The following CNTN1 variants were observed in gnomAD, a reference collection of about 807,000 sequenced individuals.
CNTN1 encodes the protein contactin-1.
In CNTN1, 38 loss-of-function variants were observed where a neutral mutation model predicts 126.4. That is an observed-to-expected ratio of 0.30 (90% CI 0.23 to 0.39). The LOEUF (loss-of-function observed/expected upper bound fraction) is 0.39, where lower values mean the gene tolerates loss of function less well. Ranked by LOEUF, CNTN1 falls within the 10% of genes least tolerant of loss-of-function variation. CNTN1 has a pLI of 1.00. For missense variants in CNTN1, 1,009 were observed against 1,248.4 expected (o/e 0.81, Z 2.89); for synonymous variants, 413 against 422.6 (o/e 0.98, Z 0.28).
At chr12:40,930,915 A>G (rs1945861675) in intron 7 of CNTN1, among the ~76,000 whole-genome samples, 1 of 151,960 alleles carries the variant, frequency 6.6e-6, no homozygotes, top group South Asian at 2.1e-4. Flanking sequence ...CCTACTTCAT[A>G]GACTGAAAAG....
At chr12:40,982,460 C>A (rs1482574986) in intron 16 of CNTN1, among the ~76,000 whole-genome samples, 2 of 152,098 alleles carry the variant, frequency 1.3e-5, no homozygotes, top group Admixed American at 6.6e-5. Context: ...TAATTGCAAT[C>A]ATTTTCATTA....
intron 23 of CNTN1, among the ~76,000 whole-genome samples, chr12:41,055,782 TTATC>T (rs1949789599): frequency 6.6e-6 from 1 of 152,122 alleles, no homozygotes; most frequent in African/African-American, 2.4e-5. Flanking sequence ...ACTAGCATCT[TTATC>T]TATAAGTTGG....
At chr12:40,743,378 A>C (rs1343500175) in intron 1 of CNTN1, among the ~76,000 whole-genome samples, 1 of 152,100 alleles carries the variant, frequency 6.6e-6, no homozygotes, top group Admixed American at 6.6e-5. Flanking sequence ...GCAATGAGTG[A>C]CATAGAGGCA....
chr12:40,962,877 G>A (rs1170224050), intron 15 of CNTN1, among the ~76,000 whole-genome samples: 3 of 151,996 alleles, frequency 2.0e-5, no homozygotes, highest in African/African-American at 7.2e-5. Context: ...AGTTATATCT[G>A]TTAACTTTGG....
At chr12:40,965,313 T>A (rs1020878248) in intron 15 of CNTN1, among the ~76,000 whole-genome samples, 3 of 152,118 alleles carry the variant, frequency 2.0e-5, no homozygotes, top group South Asian at 2.1e-4. Flanking sequence ...TGGCAAACAA[T>A]AATCTTGGGA....
intron 16 of CNTN1, among the ~76,000 whole-genome samples, chr12:40,986,408 C>G (rs1947954923): frequency 1.3e-5 from 2 of 152,164 alleles, no homozygotes; most frequent in Admixed American, 6.6e-5. Flanking sequence ...TTGAGATGAT[C>G]TGAGCATTGT....
At chr12:40,792,060 AT>A (rs1940239450) in intron 1 of CNTN1, among the ~76,000 whole-genome samples, 1 of 152,154 alleles carries the variant, frequency 6.6e-6, no homozygotes, top group Non-Finnish European at 1.5e-5. Flanking sequence ...ATTAGAAAAA[AT>A]AATCAAGAAT....
At chr12:40,908,874 A>G (rs533527900) in intron 2 of CNTN1, among the ~76,000 whole-genome samples, 1 of 152,316 alleles carries the variant, frequency 6.6e-6, no homozygotes, top group Admixed American at 6.5e-5. Context: ...CCACCCTGAT[A>G]TAAGTAACCA....
At chr12:40,737,971 A>G (rs965229306) in intron 1 of CNTN1, among the ~76,000 whole-genome samples, 1 of 152,104 alleles carries the variant, frequency 6.6e-6, no homozygotes, top group Non-Finnish European at 1.5e-5. Context: ...TTAAGAGATC[A>G]TAAGAGAAAA....
chr12:40,981,606 T>A (rs1947824647), intron 16 of CNTN1, among the ~76,000 whole-genome samples: 4 of 152,148 alleles, frequency 2.6e-5, no homozygotes, highest in Admixed American at 6.5e-5. Flanking sequence ...TTTTCTTTTC[T>A]TATATTAAGA....
chr12:41,056,195 C>T (rs537334608), intron 23 of CNTN1, among the ~76,000 whole-genome samples: 3 of 152,136 alleles, frequency 2.0e-5, no homozygotes, highest in Admixed American at 6.6e-5. Context: ...ATACAAAGAG[C>T]CACCAATCAT....
chr12:40,804,059 T>C (rs1255294613), intron 1 of CNTN1, among the ~76,000 whole-genome samples: 1 of 151,996 alleles, frequency 6.6e-6, no homozygotes, highest in African/African-American at 2.4e-5. Context: ...CTGCTACTAA[T>C]TGCTCTAGAG....
chr12:41,039,332 G>C (rs1949342353), intron 23 of CNTN1, among the ~76,000 whole-genome samples: 1 of 152,160 alleles, frequency 6.6e-6, no homozygotes, highest in Non-Finnish European at 1.5e-5. Context: ...AAGAGTAGAA[G>C]TGGGAGGCAG....
At chr12:40,927,618 C>T (rs1273957619) in intron 6 of CNTN1, among the ~76,000 whole-genome samples, 1 of 152,008 alleles carries the variant, frequency 6.6e-6, no homozygotes, top group Non-Finnish European at 1.5e-5. Flanking sequence ...ATTGTTTTGT[C>T]CAAGTGAATG....
intron 15 of CNTN1, among the ~76,000 whole-genome samples, chr12:40,960,561 A>G (rs536774767): frequency 6.6e-5 from 10 of 152,180 alleles, no homozygotes; most frequent in Admixed American, 3.9e-4. Flanking sequence ...CTCCATTTGA[A>G]TATATTCTCC....
rs955788495 is a variant in CNTN1 at position 40,908,277 on chromosome 12, TCTCCTCTC to T, written c.-76-70_-76-63del. On this transcript the variant is annotated intron_variant, in intron 1 of 23. Transcript: ENST00000551295. ...TTCCAATTTCCTTCCCTTTCTTTCT[TCTCCTCTC>T]CTCCTCTCCCCTTCCTTCCCCTCTC... is the stretch of plus-strand genomic sequence containing the variant. The T allele has an allele frequency of 2.6e-5, 15 of 584,706 alleles. No individual in the cohort carries two copies. In the Admixed American group the frequency reaches 4.6e-4, roughly 18 times the overall value. The allele number at this position is 584,706 out of a possible 1,614,324, so 36.2% of individuals were successfully genotyped here.
intron 1 of CNTN1, among the ~76,000 whole-genome samples, chr12:40,787,235 C>T (rs948112563): frequency 5.3e-5 from 8 of 152,032 alleles, no homozygotes; most frequent in South Asian, 4.1e-4. Flanking sequence ...ATATAATTTT[C>T]GAACAATTCC....
intron 1 of CNTN1, among the ~76,000 whole-genome samples, chr12:40,869,907 C>A (rs1039782774): frequency 6.6e-6 from 1 of 152,080 alleles, no homozygotes; most frequent in Non-Finnish European, 1.5e-5. Context: ...TTGTCCACAC[C>A]AAAATCTCAT....
At chr12:40,796,391 A>AC (rs1940431373) in intron 1 of CNTN1, among the ~76,000 whole-genome samples, 1 of 152,046 alleles carries the variant, frequency 6.6e-6, no homozygotes, top group African/African-American at 2.4e-5. Context: ...CATCAGCCTC[A>AC]CCACTACCCG....
Sources: gnomAD v4.1 joint callset for allele counts (sites outside exome capture counted in the v4.1 genomes callset) on GRCh38, gnomAD v4.1.1 for gene constraint, MANE v1.5 for transcripts, NCBI Gene and HGNC (gene_info 2026-07-23, HGNC 2026-07-21) for gene names.